SLC14A2: variants seen among roughly 807,000 people sequenced by gnomAD.
SLC14A2 encodes urea transporter 2.
SLC14A2 carries 91 observed loss-of-function variants against 104.6 expected under a neutral mutation model. The ratio of observed to expected loss-of-function variants is 0.87; its 90% CI spans 0.73 to 1.04. The LOEUF (loss-of-function observed/expected upper bound fraction) is 1.04, where lower values mean the gene tolerates loss of function less well. Ranked by LOEUF, SLC14A2 falls within the 50% of genes least tolerant of loss-of-function variation. The pLI is 0.00. For missense variants in SLC14A2, 1,189 were observed against 1,156.0 expected, an observed-to-expected ratio of 1.03 and a Z score of -0.41; for synonymous variants, 476 against 466.4, an observed-to-expected ratio of 1.02 and a Z score of -0.27.
chr18:45,185,363 A>C, the SLC14A2 span, among the ~76,000 whole-genome samples: 1 of 152,180 alleles, frequency 6.6e-6, no homozygotes, highest in Non-Finnish European at 1.5e-5. Context: ...AAAGGCATGC[A>C]GTGTGACCCT....
chr18:45,372,319 T>TAAG (rs1743057970), intron 1 of SLC14A2, among the ~76,000 whole-genome samples: 1 of 137,312 alleles, frequency 7.3e-6, no homozygotes, highest in Non-Finnish European at 1.6e-5. Context: ...TCAAAAACAA[T>TAAG]AATAATAATA....
intron 10 of SLC14A2, among the ~76,000 whole-genome samples, chr18:45,652,563 A>G (rs1227433940): frequency 6.6e-6 from 1 of 152,148 alleles, no homozygotes; most frequent in African/African-American, 2.4e-5. Flanking sequence ...TGACCTTCCC[A>G]AGTTTAGCTC....
At position 45,668,476 on chromosome 18, in the gene SLC14A2, T is replaced by C; in HGVS notation, c.2035T>C (p.Cys679Arg). Residue 679 changes from cysteine (C) to arginine (R), a missense_variant and splice_region_variant, in exon 15 of 20, where the codon TGC (cysteine) becomes CGC (arginine). By Grantham distance (180) the Cys-to-Arg change is radical. Transcript: ENST00000255226. ...ACCCGTCATCATCATGTCCATGTCT[T>C]GGTAAGTTTGCTTTTGAAGGGTTGT... is the stretch of plus-strand genomic sequence containing the variant. ...LLPVIIMSMS[C>R]PILSSALGTI... The C allele has an allele frequency of 5.0e-6, 8 of 1,614,170 alleles. No homozygotes were observed. The highest frequency in any genetic ancestry group is 1.7e-5 in the Admixed American group (1 of 60,026).
At chr18:45,332,410 G>C (rs926042157) in intron 1 of SLC14A2, among the ~76,000 whole-genome samples, 9 of 152,186 alleles carry the variant, frequency 5.9e-5, no homozygotes, top group Non-Finnish European at 1.3e-4. Flanking sequence ...GGAAGGATGT[G>C]TATAGGTTAT....
the SLC14A2 span, among the ~76,000 whole-genome samples, chr18:45,183,828 T>C: frequency 2.0e-5 from 3 of 150,908 alleles, no homozygotes; most frequent in Non-Finnish European, 4.4e-5. Flanking sequence ...ATCCAACTCC[T>C]GGGCCAAGCT....
intron 1 of SLC14A2, among the ~76,000 whole-genome samples, chr18:45,465,431 C>G (rs142211683): frequency 6.6e-6 from 1 of 152,310 alleles, no homozygotes; most frequent in African/African-American, 2.4e-5. Context: ...ATCATCTCTC[C>G]AAGGCCCAGG....
At chr18:45,523,709 G>C (rs1366688991) in intron 2 of SLC14A2, among the ~76,000 whole-genome samples, 1 of 151,978 alleles carries the variant, frequency 6.6e-6, no homozygotes, top group African/African-American at 2.4e-5. Context: ...CATCCTGCCT[G>C]TAACCCTCCC....
the SLC14A2 span, among the ~76,000 whole-genome samples, chr18:45,171,206 T>C: frequency 1.3e-5 from 2 of 152,122 alleles, no homozygotes; most frequent in Admixed American, 6.6e-5. Context: ...AAAAACATTA[T>C]TGTTTATCTG....
intron 1 of SLC14A2, among the ~76,000 whole-genome samples, chr18:45,221,058 T>A (rs1179866320): frequency 6.6e-6 from 1 of 152,196 alleles, no homozygotes; most frequent in African/African-American, 2.4e-5. Flanking sequence ...GAGCCCTATC[T>A]CCAACTACAG....
intron 1 of SLC14A2, among the ~76,000 whole-genome samples, chr18:45,266,479 C>T (rs75090737): frequency 1.1e-4 from 16 of 152,224 alleles, no homozygotes; most frequent in Middle Eastern, 3.4e-3. Context: ...AAACTTCCAT[C>T]GAGACAGAGT....
At chr18:45,675,157 C>T (rs951218257) in intron 18 of SLC14A2, among the ~76,000 whole-genome samples, 5 of 152,210 alleles carry the variant, frequency 3.3e-5, no homozygotes, top group African/African-American at 7.2e-5. Flanking sequence ...ATGAGCCTGA[C>T]GATCTCAGGA....
intron 1 of SLC14A2, among the ~76,000 whole-genome samples, chr18:45,350,445 G>A (rs58652271): frequency 1.4e-4 from 22 of 152,216 alleles, no homozygotes; most frequent in East Asian, 3.9e-4. Flanking sequence ...GGAAGAGGCC[G>A]CAGTTCAGTC....
At chr18:45,189,795 G>A in the SLC14A2 span, among the ~76,000 whole-genome samples, 1 of 152,126 alleles carries the variant, frequency 6.6e-6, no homozygotes, top group Non-Finnish European at 1.5e-5. Context: ...ACCTTTGCTT[G>A]GGTGATAATG....
At chr18:45,312,383 GAA>G (rs11314315) in intron 1 of SLC14A2, among the ~76,000 whole-genome samples, 1 of 145,592 alleles carries the variant, frequency 6.9e-6, no homozygotes, top group African/African-American at 2.5e-5. Flanking sequence ...CTTCAGACTA[GAA>G]AAAAAAAAAG....
intron 2 of SLC14A2, among the ~76,000 whole-genome samples, chr18:45,566,759 C>T (rs190652413): frequency 6.6e-6 from 1 of 152,344 alleles, no homozygotes; most frequent in Non-Finnish European, 1.5e-5. Flanking sequence ...AAGATGACAT[C>T]TCCACGAACA....
At chr18:45,526,773 G>A (rs75420623) in intron 2 of SLC14A2, among the ~76,000 whole-genome samples, 41 of 152,256 alleles carry the variant, frequency 2.7e-4, no homozygotes, top group Non-Finnish European at 5.0e-4. Context: ...AAGATTGTAA[G>A]GCCTGAGCCA....
At chr18:45,405,252 G>A (rs2086140979) in intron 1 of SLC14A2, among the ~76,000 whole-genome samples, 2 of 152,112 alleles carry the variant, frequency 1.3e-5, no homozygotes, top group South Asian at 4.1e-4. Flanking sequence ...TTGGAGTTCT[G>A]ATATCCAAAA....
chr18:45,572,657 G>A (rs1568281402), intron 2 of SLC14A2, among the ~76,000 whole-genome samples: 1 of 152,192 alleles, frequency 6.6e-6, no homozygotes, highest in Non-Finnish European at 1.5e-5. Flanking sequence ...AACCTTCTCA[G>A]TGTGACCACT....
chr18:45,276,606 T>C (rs1012944974), intron 1 of SLC14A2, among the ~76,000 whole-genome samples: 2 of 152,230 alleles, frequency 1.3e-5, no homozygotes, highest in Non-Finnish European at 2.9e-5. Context: ...TTAAGTTATA[T>C]TGAACAAAAA....
Sources: gnomAD v4.1 joint callset for allele counts (sites outside exome capture counted in the v4.1 genomes callset) on GRCh38, gnomAD v4.1.1 for gene constraint, MANE v1.5 for transcripts, NCBI Gene and HGNC (gene_info 2026-07-23, HGNC 2026-07-21) for gene names.